Variants in CDH12 observed in about 807,000 individuals in gnomAD.
CDH12 encodes the protein cadherin-12.
A neutral mutation model predicts 74.1 loss-of-function variants in CDH12; 41 were observed. The ratio of observed to expected loss-of-function variants is 0.55; its 90% CI spans 0.43 to 0.72. The LOEUF (loss-of-function observed/expected upper bound fraction) is 0.72. Ranked by LOEUF, CDH12 falls within the 30% of genes least tolerant of loss-of-function variation. CDH12 has a pLI of 0.00. For synonymous variants in CDH12, 399 were observed against 355.0 expected (o/e 1.12, Z -1.39); for missense variants, 945 against 977.2 (o/e 0.97, Z 0.44).
chr5:21,960,061 T>C (rs967801342), intron 6 of CDH12, among the ~76,000 whole-genome samples: 2 of 151,116 alleles, frequency 1.3e-5, no homozygotes, highest in African/African-American at 4.9e-5. Flanking sequence ...GTTCTTAGAG[T>C]ACAAAGAGGC....
chr5:22,784,250 G>A (rs1747520249), intron 1 of CDH12, among the ~76,000 whole-genome samples: 1 of 151,816 alleles, frequency 6.6e-6, no homozygotes, highest in Non-Finnish European at 1.5e-5. Context: ...TATATCACTA[G>A]CAGATTTACA....
Position 22,064,048 on chromosome 5 carries a change from T to C in CDH12, c.231+14398A>G, listed in dbSNP as rs7737317. Reference sequence around the variant, plus strand: ...ACACACACACACACACAGTTGACCATTGAGCAACACAAGTTTGAAGTTCAG... The same window carrying C: ...ACACACACACACACACAGTTGACCACTGAGCAACACAAGTTTGAAGTTCAG... On this transcript the variant is annotated intron_variant, in intron 5 of 14. Coordinates refer to ENST00000382254, the MANE Select transcript of CDH12 (RefSeq NM_004061.5). Among the ~76,000 whole-genome samples the C allele has an allele frequency of 6.8e-3, 1,026 of 151,322 alleles. 8 individuals carry two copies. The highest frequency in any genetic ancestry group is 9.1e-3 in the Non-Finnish European group (614 of 67,820).
intron 4 of CDH12, among the ~76,000 whole-genome samples, chr5:22,091,265 TTGTG>T (rs1339256675): frequency 2.0e-5 from 3 of 146,416 alleles, no homozygotes; most frequent in Non-Finnish European, 3.0e-5. Context: ...TTTAAGATAT[TTGTG>T]TGTGTGTTTG....
intron 3 of CDH12, among the ~76,000 whole-genome samples, chr5:22,300,250 G>C (rs996850186): frequency 1.3e-5 from 2 of 152,110 alleles, no homozygotes; most frequent in African/African-American, 4.8e-5. Flanking sequence ...TATGCACTTC[G>C]GCTTTGTAAA....
At position 21,922,342 on chromosome 5, in the gene CDH12, G is replaced by A. The variant is rs141914345; in HGVS notation, c.526+52749C>T. On this transcript the variant is annotated intron_variant, in intron 6 of 14. Coordinates refer to ENST00000382254, the MANE Select transcript of CDH12 (RefSeq NM_004061.5). ...TACAAGAGGACTGTTAGGAAAAAATGAGAAATCTCATTTAGAATAAATTCA... is the reference window on the plus strand; with the variant it reads ...TACAAGAGGACTGTTAGGAAAAAATAAGAAATCTCATTTAGAATAAATTCA... 3.9e-5 allele frequency among the ~76,000 whole-genome samples: 6 copies of A among 152,246 alleles called. No homozygotes were observed. The East Asian group carries it at 1.2e-3, about 29-fold the overall frequency.
Position 22,021,091 on chromosome 5 carries a change from A to G in CDH12, c.232-45706T>C, listed in dbSNP as rs191763401. 3.7e-3 allele frequency among the ~76,000 whole-genome samples: 562 copies of G among 152,308 alleles called. 7 individuals carry two copies. Among genetic ancestry groups the G allele is most frequent in the African/African-American group, 0.013 (526 of 41,570 alleles). ...TCAAATTGGGGATATTTGCACACCC[A>G]TAATGGGATATATTGGGGAAAGGAC... On this transcript the variant is annotated intron_variant, in intron 5 of 14. Transcript: ENST00000382254.
At chr5:21,919,554 C>T (rs1234965545) in intron 6 of CDH12, among the ~76,000 whole-genome samples, 1 of 152,048 alleles carries the variant, frequency 6.6e-6, no homozygotes, top group Non-Finnish European at 1.5e-5. Context: ...AACGTTATTT[C>T]CTTTGCACAG....
intron 1 of CDH12, among the ~76,000 whole-genome samples, chr5:22,587,784 T>C (rs536193269): frequency 6.6e-6 from 1 of 152,054 alleles, no homozygotes; most frequent in South Asian, 2.1e-4. Context: ...CACATTACTT[T>C]TCTATGAATC....
At chr5:21,771,086 G>C (rs539037389) in intron 11 of CDH12, among the ~76,000 whole-genome samples, 1 of 152,060 alleles carries the variant, frequency 6.6e-6, no homozygotes, top group African/African-American at 2.4e-5. Context: ...GGAGGGTGAA[G>C]ATCAAAAAAC....
chr5:22,338,774 G>A (rs1020555863), intron 3 of CDH12, among the ~76,000 whole-genome samples: 1 of 152,100 alleles, frequency 6.6e-6, no homozygotes, highest in African/African-American at 2.4e-5. Flanking sequence ...AAAGATGATG[G>A]AGTGTCATAT....
intron 3 of CDH12, among the ~76,000 whole-genome samples, chr5:22,232,904 A>AT (rs1752432523): frequency 6.8e-6 from 1 of 148,136 alleles, no homozygotes. Flanking sequence ...TTCTATATAT[A>AT]TTTTTTCTCT....
chr5:22,312,919 C>T (rs931814352), intron 3 of CDH12, among the ~76,000 whole-genome samples: 1 of 152,196 alleles, frequency 6.6e-6, no homozygotes, highest in Admixed American at 6.5e-5. Flanking sequence ...CTACTTTCCC[C>T]TTCAAGCTTT....
chr5:22,790,624 ATAT>A (rs1747860847), intron 1 of CDH12, among the ~76,000 whole-genome samples: 1 of 151,480 alleles, frequency 6.6e-6, no homozygotes, highest in Admixed American at 6.6e-5. Flanking sequence ...TATTACAGAT[ATAT>A]TATTATTTAT....
chr5:21,758,397 C>T (rs527564308), intron 13 of CDH12, among the ~76,000 whole-genome samples: 5 of 152,270 alleles, frequency 3.3e-5, no homozygotes, highest in South Asian at 4.1e-4. Flanking sequence ...TTTGCCTAAT[C>T]ATTGTAGCAA....
intron 1 of CDH12, among the ~76,000 whole-genome samples, chr5:22,820,216 A>T (rs1749616943): frequency 6.6e-6 from 1 of 151,864 alleles, no homozygotes; most frequent in African/African-American, 2.4e-5. Flanking sequence ...TAATGGGAAT[A>T]AAAAAACACA....
At chr5:22,210,707 T>C (rs6894423) in intron 4 of CDH12, among the ~76,000 whole-genome samples, 133,436 of 151,706 alleles carry the variant, frequency 0.88, 58,788 homozygotes, top group East Asian at 0.97. Context: ...TCATTGGGTC[T>C]GATGCCACCA....
intron 4 of CDH12, among the ~76,000 whole-genome samples, chr5:22,201,738 C>T (rs1482680347): frequency 1.3e-5 from 2 of 152,014 alleles, no homozygotes; most frequent in Non-Finnish European, 2.9e-5. Context: ...ACAAGAGAAG[C>T]CTTAACATGG....
chr5:22,821,219 T>C (rs1749682171), intron 1 of CDH12, among the ~76,000 whole-genome samples: 1 of 152,138 alleles, frequency 6.6e-6, no homozygotes, highest in Non-Finnish European at 1.5e-5. Context: ...AAATTAGGTA[T>C]TGATGGGATG....
chr5:22,416,789 A>G lies in CDH12; in HGVS notation c.-427-11438T>C, dbSNP rs547106780. Among the ~76,000 whole-genome samples, 176 of 152,372 alleles carry G rather than the reference A, an allele frequency of 1.2e-3. 2 individuals carry two copies. Among genetic ancestry groups the G allele is most frequent in the African/African-American group, 3.9e-3 (162 of 41,586 alleles). On this transcript the variant is annotated intron_variant, in intron 2 of 14. Transcript: ENST00000382254. The stretch of plus-strand genomic sequence containing the variant: ...AAATAAGAAATTTGCAATGTTTTTA[A>G]GGGAATTGTCCTGCCATCTGAAATT...
Sources: gnomAD v4.1 joint callset for allele counts (sites outside exome capture counted in the v4.1 genomes callset) on GRCh38, gnomAD v4.1.1 for gene constraint, MANE v1.5 for transcripts, NCBI Gene and HGNC (gene_info 2026-07-23, HGNC 2026-07-21) for gene names.